FANK1: variants seen among roughly 807,000 people sequenced by gnomAD.
FANK1 encodes fibronectin type III and ankyrin repeat domains 1.
In FANK1, 44 loss-of-function variants were observed where a neutral mutation model predicts 45.3. That is an observed-to-expected ratio of 0.97 (90% CI 0.76 to 1.25). The LOEUF is 1.25. FANK1 is among the 50% of genes most tolerant of loss of function. The pLI is 0.00. For synonymous variants in FANK1, 149 were observed against 152.5 expected, an observed-to-expected ratio of 0.98 and a Z score of 0.17; for missense variants, 391 against 424.4, an observed-to-expected ratio of 0.92 and a Z score of 0.69.
At chr10:125,972,968 C>T (rs1008607433) in intron 1 of FANK1, 1 of 153,308 alleles carries the variant, frequency 6.5e-6, no homozygotes, top group African/African-American at 2.4e-5. Context: ...CCACCTTTTC[C>T]GGGCTCTGTA....
chr10:125,917,326 C>A (rs1272171826), intron 1 of FANK1, among the ~76,000 whole-genome samples: 1 of 152,200 alleles, frequency 6.6e-6, no homozygotes, highest in Non-Finnish European at 1.5e-5. Context: ...TTTTTCTATT[C>A]TGTTTCCTTG....
chr10:125,916,572 GTC>G (rs1213347800), intron 1 of FANK1, among the ~76,000 whole-genome samples: 1 of 152,044 alleles, frequency 6.6e-6, no homozygotes, highest in Non-Finnish European at 1.5e-5. Context: ...CAAGCCAAGT[GTC>G]TATCTGCAAA....
intron 6 of FANK1, among the ~76,000 whole-genome samples, chr10:125,998,973 A>T (rs1396330160): frequency 2.0e-5 from 3 of 152,024 alleles, no homozygotes; most frequent in African/African-American, 7.2e-5. Flanking sequence ...GGACAACCTT[A>T]TTGCTAAAAT....
At chr10:125,995,186 T>C (rs188419312) in intron 3 of FANK1, among the ~76,000 whole-genome samples, 1 of 152,312 alleles carries the variant, frequency 6.6e-6, no homozygotes, top group Admixed American at 6.5e-5. Context: ...CAATACTGTA[T>C]AACTTGGAAA....
intron 7 of FANK1, 23 bp from the exon 8 acceptor site, chr10:126,008,384 C>T (rs1162304621): frequency 6.4e-7 from 1 of 1,569,446 alleles, no homozygotes. Flanking sequence ...GGGCTCAACA[C>T]AGCTGTTTCT....
intron 1 of FANK1, among the ~76,000 whole-genome samples, chr10:125,913,617 G>A (rs1195698786): frequency 6.6e-6 from 1 of 152,148 alleles, no homozygotes; most frequent in Non-Finnish European, 1.5e-5. Flanking sequence ...ATAAACCTGG[G>A]TTAATTTACA....
chr10:125,945,537 T>C (rs956544486), intron 1 of FANK1, among the ~76,000 whole-genome samples: 1 of 152,190 alleles, frequency 6.6e-6, no homozygotes, highest in African/African-American at 2.4e-5. Flanking sequence ...ATTGTGCTTT[T>C]CAGACCGGCT....
chr10:126,008,278 A>G, intron 7 of FANK1, 129 bp from the exon 8 acceptor site: 3 of 1,296,726 alleles, frequency 2.3e-6, no homozygotes, highest in South Asian at 1.7e-5. Flanking sequence ...GCACAGTGCA[A>G]TGAACCAAAT....
chr10:125,938,936 A>G (rs1250886405), intron 1 of FANK1, among the ~76,000 whole-genome samples: 1 of 152,230 alleles, frequency 6.6e-6, no homozygotes, highest in African/African-American at 2.4e-5. Flanking sequence ...ATACCTTCGC[A>G]GTGGAGAGAT....
chr10:125,996,510 G>C, intron 4 of FANK1, 40 bp from the exon 5 acceptor site: 1 of 1,600,672 alleles, frequency 6.2e-7, no homozygotes, highest in South Asian at 1.1e-5. Flanking sequence ...TGCAGTAGCT[G>C]TACTGAGCAT....
In FANK1 at chr10:125,929,592, A is replaced by G. The variant is rs572265885; in HGVS notation, c.13+32937A>G. On this transcript the variant is annotated intron_variant, in intron 1 of 10. Coordinates refer to ENST00000368693, the MANE Select transcript of FANK1 (RefSeq NM_145235.5). ...TTTATGAAAAATTTTACCTAATTCT[A>G]TGTTATCTTCTAGAAGCCTTTTCAC... Among the ~76,000 whole-genome samples the G allele has an allele frequency of 3.3e-5, 5 of 152,152 alleles. 1 individual carries two copies. The highest frequency in any genetic ancestry group is 2.1e-4 in the South Asian group (1 of 4,820).
At chr10:125,965,951 A>G (rs1372642403) in intron 1 of FANK1, among the ~76,000 whole-genome samples, 1 of 152,226 alleles carries the variant, frequency 6.6e-6, no homozygotes, top group Non-Finnish European at 1.5e-5. Context: ...AAATCACTTC[A>G]GTATTTTGTC....
At chr10:125,988,017 T>C (rs1001744919) in intron 2 of FANK1, among the ~76,000 whole-genome samples, 8 of 152,244 alleles carry the variant, frequency 5.3e-5, no homozygotes, top group African/African-American at 1.9e-4. Flanking sequence ...TGGGGCATGA[T>C]GTTAGCATTG....
At chr10:125,963,060 C>T (rs1263980705) in intron 1 of FANK1, among the ~76,000 whole-genome samples, 1 of 150,166 alleles carries the variant, frequency 6.7e-6, no homozygotes, top group African/African-American at 2.4e-5. Context: ...GAGCTCTGCT[C>T]ACTGCAACCT....
At chr10:125,899,663 A>T (rs1490251384) in intron 1 of FANK1, among the ~76,000 whole-genome samples, 1 of 152,230 alleles carries the variant, frequency 6.6e-6, no homozygotes, top group African/African-American at 2.4e-5. Flanking sequence ...CTGAGACGGA[A>T]GTTATTTCCT....
intron 1 of FANK1, among the ~76,000 whole-genome samples, chr10:125,903,634 AG>A (rs1377191236): frequency 1.2e-4 from 19 of 152,392 alleles, no homozygotes; most frequent in African/African-American, 4.1e-4. Context: ...GTTTGGATTC[AG>A]CCCGGGCAAC....
At chr10:125,981,393 G>A (rs183123316) in intron 2 of FANK1, among the ~76,000 whole-genome samples, 3 of 151,506 alleles carry the variant, frequency 2.0e-5, no homozygotes, top group Admixed American at 6.6e-5. Context: ...CTGTAGTCCC[G>A]GGCTGAGGTG....
intron 1 of FANK1, among the ~76,000 whole-genome samples, chr10:125,951,689 T>C (rs1258431399): frequency 2.0e-5 from 3 of 152,232 alleles, no homozygotes; most frequent in Non-Finnish European, 4.4e-5. Context: ...TTAGTCTCCA[T>C]TGTTTTATAG....
intron 1 of FANK1, among the ~76,000 whole-genome samples, chr10:125,943,280 G>A (rs1948569331): frequency 6.6e-6 from 1 of 151,618 alleles, no homozygotes; most frequent in Non-Finnish European, 1.5e-5. Flanking sequence ...GCCTAAAATT[G>A]TTTTTCTAAA....
Sources: gnomAD v4.1 joint callset for allele counts (sites outside exome capture counted in the v4.1 genomes callset) on GRCh38, gnomAD v4.1.1 for gene constraint, MANE v1.5 for transcripts, NCBI Gene and HGNC (gene_info 2026-07-23, HGNC 2026-07-21) for gene names.